COL21A1: variants seen among roughly 807,000 people sequenced by gnomAD.
The protein encoded by COL21A1 is collagen type XXI alpha 1 chain.
In COL21A1, 149 loss-of-function variants were observed where a neutral mutation model predicts 137.9. The observed-to-expected ratio is 1.08, with a 90% CI of 0.95 to 1.24. The LOEUF is 1.24. Ranked by LOEUF, COL21A1 falls within the 50% of genes most tolerant of loss-of-function variation. COL21A1 has a pLI of 0.00. For synonymous variants in COL21A1, 456 were observed against 391.5 expected, an observed-to-expected ratio of 1.16 and a Z score of -1.95; for missense variants, 1,167 against 1,158.4, an observed-to-expected ratio of 1.01 and a Z score of -0.11.
intron 21 of COL21A1, among the ~76,000 whole-genome samples, chr6:56,069,789 ATTC>A (rs1766587843): frequency 6.6e-6 from 1 of 151,052 alleles, no homozygotes; most frequent in South Asian, 2.1e-4. Flanking sequence ...ATTTAATAAA[ATTC>A]TTATTGTTAA....
intron 1 of COL21A1, among the ~76,000 whole-genome samples, chr6:56,334,938 G>A (rs6927335): frequency 0.68 from 102,609 of 151,992 alleles, 34,979 homozygotes; most frequent in East Asian, 0.9. Context: ...ACCAAATGCT[G>A]GCACCATGTT....
intron 1 of COL21A1, among the ~76,000 whole-genome samples, chr6:56,299,470 C>T (rs1308223612): frequency 6.6e-6 from 1 of 152,058 alleles, no homozygotes; most frequent in Non-Finnish European, 1.5e-5. Flanking sequence ...TATTTGATAA[C>T]ATTATGTAAT....
At chr6:56,279,403 T>G (rs1333732915) in intron 1 of COL21A1, among the ~76,000 whole-genome samples, 1 of 152,142 alleles carries the variant, frequency 6.6e-6, no homozygotes, top group Non-Finnish European at 1.5e-5. Context: ...CTAATACAGT[T>G]TGTGGTGAAG....
chr6:56,094,583 T>TTTAGGTAC (rs1769154720), intron 17 of COL21A1, among the ~76,000 whole-genome samples: 2 of 152,270 alleles, frequency 1.3e-5, no homozygotes, highest in South Asian at 4.2e-4. Context: ...CACTCTACAT[T>TTTAGGTAC]TTAGGTACTT....
chr6:56,100,770 T>C (rs1391081244), intron 17 of COL21A1, among the ~76,000 whole-genome samples: 1 of 152,184 alleles, frequency 6.6e-6, no homozygotes, highest in African/African-American at 2.4e-5. Flanking sequence ...TAAGAAGCTT[T>C]GGTGATACCT....
chr6:56,156,804 C>T (rs1214652285), intron 10 of COL21A1, 83 bp downstream of exon 10: 1 of 1,092,416 alleles, frequency 9.2e-7, no homozygotes, highest in African/African-American at 1.6e-5. Context: ...CTTTCCTTGT[C>T]TGTTTAGATT....
chr6:56,305,476 A>T (rs977553586), intron 1 of COL21A1, among the ~76,000 whole-genome samples: 2 of 151,908 alleles, frequency 1.3e-5, no homozygotes, highest in African/African-American at 4.8e-5. Flanking sequence ...TGATCCCTTT[A>T]CCATTATGTA....
At chr6:56,073,352 T>C (rs1365654834) in intron 20 of COL21A1, among the ~76,000 whole-genome samples, 1 of 151,466 alleles carries the variant, frequency 6.6e-6, no homozygotes. Context: ...CTACCACTGA[T>C]GGAAGAGCAG....
chr6:56,343,302 T>C (rs1414367338), intron 1 of COL21A1, among the ~76,000 whole-genome samples: 1 of 152,106 alleles, frequency 6.6e-6, no homozygotes, highest in Admixed American at 6.5e-5. Context: ...CTTTAAGGAG[T>C]AGCAGTTTAC....
chr6:56,166,829 G>T lies in COL21A1; in HGVS notation c.1278+77C>A, dbSNP rs202231490. ...AGTCTACATATTAAATTAATACTCA[G>T]ATAGTATCTGCTTTTTATTTATTGC... On this transcript the variant is annotated intron_variant, in intron 7 of 29. Coordinates refer to ENST00000244728, the MANE Select transcript of COL21A1 (RefSeq NM_030820.4). 3,089 of 1,037,034 alleles carry T rather than the reference G, an allele frequency of 3.0e-3. 25 individuals carry two copies. Among genetic ancestry groups the T allele is most frequent in the Middle Eastern group, 0.028 (138 of 5,010 alleles). 64.2% of individuals were successfully genotyped at this position (1,037,034 alleles called of 1,614,324 possible).
intron 23 of COL21A1, among the ~76,000 whole-genome samples, chr6:56,066,435 G>T (rs1482597390): frequency 6.6e-6 from 1 of 151,884 alleles, no homozygotes; most frequent in African/African-American, 2.4e-5. Flanking sequence ...TTGTGGAAAT[G>T]TCCAGAGTAT....
At chr6:56,340,418 T>C (rs1323257127) in intron 1 of COL21A1, among the ~76,000 whole-genome samples, 1 of 152,002 alleles carries the variant, frequency 6.6e-6, no homozygotes, top group African/African-American at 2.4e-5. Context: ...ATACAGAGGT[T>C]GGAGAGGGAG....
intron 1 of COL21A1, chr6:56,331,770 T>C: frequency 6.9e-6 from 1 of 145,198 alleles, no homozygotes; most frequent in East Asian, 2.5e-4. Flanking sequence ...GAACTCTTTT[T>C]TGGTTCCCAA....
chr6:56,135,354 A>G (rs1472379241), intron 12 of COL21A1, among the ~76,000 whole-genome samples: 2 of 152,146 alleles, frequency 1.3e-5, no homozygotes, highest in Non-Finnish European at 2.9e-5. Flanking sequence ...ATGCCCCCAA[A>G]TCGCATGTCA....
chr6:56,203,743 T>G (rs1464734233), intron 1 of COL21A1, among the ~76,000 whole-genome samples: 1 of 152,200 alleles, frequency 6.6e-6, no homozygotes, highest in African/African-American at 2.4e-5. Context: ...GGTGGGTGAT[T>G]TCTGCATTTC....
chr6:56,103,849 T>C (rs920817142), intron 16 of COL21A1, among the ~76,000 whole-genome samples: 2 of 152,172 alleles, frequency 1.3e-5, no homozygotes, highest in African/African-American at 4.8e-5. Context: ...GTTCCTGATA[T>C]GGTAGGTCTG....
At chr6:56,074,329 T>A in intron 19 of COL21A1, 44 bp from the exon 20 acceptor site, 1 of 1,231,088 alleles carries the variant, frequency 8.1e-7, no homozygotes, top group Non-Finnish European at 1.1e-6. Context: ...TAGAGAAGAT[T>A]ATTAAAAAAT....
At chr6:56,296,887 T>C (rs576488269) in intron 1 of COL21A1, among the ~76,000 whole-genome samples, 1 of 152,112 alleles carries the variant, frequency 6.6e-6, no homozygotes, top group East Asian at 1.9e-4. Flanking sequence ...CAAAGATGGG[T>C]TTCCAATATG....
At chr6:56,275,128 C>T (rs1050263923) in intron 1 of COL21A1, among the ~76,000 whole-genome samples, 1 of 152,140 alleles carries the variant, frequency 6.6e-6, no homozygotes, top group African/African-American at 2.4e-5. Flanking sequence ...ACTCCCTATT[C>T]AGTAAATGGT....
Sources: gnomAD v4.1 joint callset for allele counts (sites outside exome capture counted in the v4.1 genomes callset) on GRCh38, gnomAD v4.1.1 for gene constraint, MANE v1.5 for transcripts, NCBI Gene and HGNC (gene_info 2026-07-23, HGNC 2026-07-21) for gene names.